The following ADAM12 variants were observed in gnomAD, a reference collection of about 807,000 sequenced individuals.
ADAM12 encodes the protein ADAM metallopeptidase domain 12.
In ADAM12, 70 loss-of-function variants were observed where a neutral mutation model predicts 106.4. The ratio of observed to expected loss-of-function variants is 0.66; its 90% CI spans 0.54 to 0.80. The LOEUF is 0.80. ADAM12 is among the 30% of genes least tolerant of loss of function. The probability of loss-of-function intolerance (pLI) is 0.00; values close to 1 mark genes in which losing one functional copy is unlikely to be tolerated. For synonymous variants in ADAM12, 420 were observed against 433.5 expected, an observed-to-expected ratio of 0.97 and a Z score of 0.39; for missense variants, 1,010 against 1,171.9, an observed-to-expected ratio of 0.86 and a Z score of 2.02.
At chr10:126,304,756 C>T (rs978460465) in intron 2 of ADAM12, among the ~76,000 whole-genome samples, 17 of 151,446 alleles carry the variant, frequency 1.1e-4, no homozygotes, top group East Asian at 1.9e-4. Flanking sequence ...ATCACCTTAA[C>T]GCACGTAAAA....
At chr10:126,030,747 G>A (rs573112856) in intron 21 of ADAM12, among the ~76,000 whole-genome samples, 84 of 152,266 alleles carry the variant, frequency 5.5e-4, no homozygotes, top group Middle Eastern at 6.8e-3. Context: ...AGTATATGAT[G>A]CCAAAGAAAG....
Position 126,118,242 on chromosome 10 carries a change from A to C in ADAM12, c.417-18T>G, listed in dbSNP as rs1375671013. 4 of 1,587,236 alleles carry C rather than the reference A, an allele frequency of 2.5e-6. No individual in the cohort carries two copies. The South Asian group carries it at 3.4e-5, about 13-fold the overall frequency. Reference sequence around the variant, plus strand: ...TAAGTCCCCTGTTGAAAAAGAAACAAGAAAAAATATATAATTTTAAGGACA... The same window carrying C: ...TAAGTCCCCTGTTGAAAAAGAAACACGAAAAAATATATAATTTTAAGGACA... On this transcript the variant is annotated intron_variant, in intron 5 of 22. Coordinates refer to ENST00000448723, the MANE Select transcript of ADAM12 (RefSeq NM_001288973.2).
intron 11 of ADAM12, chr10:126,090,845 G>T (rs546068590): frequency 1.3e-5 from 2 of 152,204 alleles, no homozygotes; most frequent in Non-Finnish European, 2.9e-5. Flanking sequence ...AATAAACAAG[G>T]TATATGAAGG....
Position 126,049,281 on chromosome 10 carries a change from A to G in ADAM12, c.1889T>C (p.Leu630Pro). The G allele has an allele frequency of 6.2e-7, 1 of 1,614,234 alleles. No individual in the cohort carries two copies. The highest frequency in any genetic ancestry group is 8.5e-7 in the Non-Finnish European group (1 of 1,180,034). Residue 630 changes from leucine (L) to proline (P), a missense_variant, in exon 16 of 23, where the codon CTT (leucine) becomes CCT (proline). Coordinates refer to ENST00000448723, the MANE Select transcript of ADAM12 (RefSeq NM_001288973.2). This position sits in a 1 kb window ranked among gnomAD's most constrained non-coding sequence, Gnocchi z 4.4. The stretch of plus-strand genomic sequence containing the variant: ...TCCATCTGCACACTTTGTGCCTGCA[A>G]GCACAAGCCCTGGGTCCGGCATGTC... ...GDDMPDPGLV[L>P]AGTKCADGKI...
chr10:126,044,958 C>T (rs34384980), intron 17 of ADAM12, among the ~76,000 whole-genome samples: 23,464 of 152,126 alleles, frequency 0.15, 2,564 homozygotes, highest in East Asian at 0.26. Context: ...AAGGTGCTGC[C>T]GGGAGCCTGC....
At chr10:126,178,175 TTC>T (rs1957252177) in intron 3 of ADAM12, among the ~76,000 whole-genome samples, 1 of 152,026 alleles carries the variant, frequency 6.6e-6, no homozygotes, top group Non-Finnish European at 1.5e-5. Context: ...ATGGGAACTA[TTC>T]TCTTATGTAG....
In ADAM12 at chr10:126,019,785, G is replaced by A. The variant is rs376942222; in HGVS notation, c.2570C>T (p.Ala857Val). ...KPNPPQKPLP[A>V]DPLARTTRLT... The stretch of plus-strand genomic sequence containing the variant: ...CCGAGTTGTTCTGGCCAGAGGATCT[G>A]CAGGCAGAGGCTTCTGAGGGGGGTT... Residue 857 changes from alanine (A) to valine (V), a missense_variant, in exon 22 of 23, where the codon GCA becomes GTA. This residue lies in a region of ADAM12 where 615 missense variants were observed against 708.5 expected (regional missense o/e 0.87). Coordinates refer to ENST00000448723, the MANE Select transcript of ADAM12 (RefSeq NM_001288973.2). 14 of 1,614,098 alleles carry A rather than the reference G, an allele frequency of 8.7e-6. No individual in the cohort carries two copies. The highest frequency in any genetic ancestry group is 1.7e-5 in the Admixed American group (1 of 60,016).
intron 3 of ADAM12, among the ~76,000 whole-genome samples, chr10:126,180,737 C>T (rs1957297987): frequency 1.3e-5 from 2 of 152,268 alleles, no homozygotes; most frequent in South Asian, 4.1e-4. Context: ...ATTACAAAAC[C>T]TTATCACGTA....
chr10:126,204,443 ACTGTGT>A (rs2133825313), intron 3 of ADAM12, among the ~76,000 whole-genome samples: 1 of 152,272 alleles, frequency 6.6e-6, no homozygotes, highest in East Asian at 1.9e-4. Flanking sequence ...CCTCTGGGTG[ACTGTGT>A]CTGTGAGACA....
At chr10:126,301,533 G>T (rs756936871) in intron 2 of ADAM12, among the ~76,000 whole-genome samples, 6 of 152,138 alleles carry the variant, frequency 3.9e-5, no homozygotes, top group Non-Finnish European at 8.8e-5. Context: ...GAAGAATAAG[G>T]AAAGAAGAAC....
At chr10:126,324,622 A>G (rs1854225786) in intron 2 of ADAM12, among the ~76,000 whole-genome samples, 1 of 152,212 alleles carries the variant, frequency 6.6e-6, no homozygotes, top group South Asian at 2.1e-4. Flanking sequence ...GACAGCAGAA[A>G]GAAGAAGCAC....
At chr10:126,221,888 T>C (rs900233630) in intron 3 of ADAM12, among the ~76,000 whole-genome samples, 2 of 152,204 alleles carry the variant, frequency 1.3e-5, no homozygotes, top group African/African-American at 4.8e-5. Flanking sequence ...AATGGTGGCA[T>C]CTTGAGGCCA....
intron 2 of ADAM12, among the ~76,000 whole-genome samples, chr10:126,301,437 A>G (rs1030670766): frequency 1.6e-4 from 25 of 152,232 alleles, no homozygotes; most frequent in African/African-American, 5.5e-4. Context: ...TTCAGTCCCC[A>G]AATGAAGACA....
chr10:126,122,848 A>C (rs1956139420), intron 5 of ADAM12, among the ~76,000 whole-genome samples: 2 of 152,238 alleles, frequency 1.3e-5, no homozygotes, highest in African/African-American at 4.8e-5. Flanking sequence ...GTAACATTTC[A>C]TTTTGTATTG....
intron 3 of ADAM12, among the ~76,000 whole-genome samples, chr10:126,220,082 G>A (rs1450268560): frequency 6.6e-6 from 1 of 152,238 alleles, no homozygotes; most frequent in Non-Finnish European, 1.5e-5. Context: ...AGGAGGCTGA[G>A]AGGTCTCCTT....
intron 14 of ADAM12, among the ~76,000 whole-genome samples, chr10:126,062,449 G>T (rs1954777653): frequency 6.6e-6 from 1 of 152,128 alleles, no homozygotes; most frequent in African/African-American, 2.4e-5. Flanking sequence ...CCATCATGGG[G>T]ATGATGAGAG....
intron 3 of ADAM12, among the ~76,000 whole-genome samples, chr10:126,244,075 G>C (rs1355024401): frequency 2.6e-5 from 4 of 152,182 alleles, no homozygotes; most frequent in Admixed American, 1.3e-4. Context: ...TCTGTGATTA[G>C]AGCACATGGA....
intron 1 of ADAM12, among the ~76,000 whole-genome samples, chr10:126,374,590 A>G (rs1856214421): frequency 1.3e-5 from 2 of 152,220 alleles, no homozygotes; most frequent in South Asian, 4.1e-4. Flanking sequence ...TAGACAGTTT[A>G]AACAGCATTT....
chr10:126,277,030 C>T (rs1372204625), intron 3 of ADAM12, among the ~76,000 whole-genome samples: 1 of 151,928 alleles, frequency 6.6e-6, no homozygotes, highest in Admixed American at 6.6e-5. Context: ...CATTATGAAG[C>T]TAAATGAAGT....
Sources: gnomAD v4.1 joint callset for allele counts (sites outside exome capture counted in the v4.1 genomes callset) on GRCh38, gnomAD v4.1.1 for gene constraint, gnomAD v4.1.1 regional missense constraint, Gnocchi (gnomAD v3.1) non-coding constraint, MANE v1.5 for transcripts, NCBI Gene and HGNC (gene_info 2026-07-23, HGNC 2026-07-21) for gene names.